Variants in ANTXRL observed in about 807,000 individuals in gnomAD.
ANTXRL encodes anthrax toxin receptor-like.
A neutral mutation model predicts 75.4 loss-of-function variants in ANTXRL; 63 were observed. The observed-to-expected ratio is 0.84, with a 90% CI of 0.68 to 1.03. ANTXRL has a LOEUF of 1.03. ANTXRL is among the 50% of genes least tolerant of loss of function. ANTXRL has a pLI of 0.00. For synonymous variants in ANTXRL, 335 were observed against 291.3 expected (o/e 1.15, Z -1.53); for missense variants, 797 against 789.4 (o/e 1.01, Z -0.12).
chr10:46,329,641 C>T lies in ANTXRL; in HGVS notation c.1453C>T (p.Gln485Ter). ...AGCCCTTGCACAGTCCCAATATGCA[C>T]AGGCTCCCTGCTGCCCAAGGATCTG... ...SLALAQSQYA[Q>*]APCCPRICFP... Residue 485 changes from glutamine (Q) to a stop codon, truncating the protein, a stop_gained, in exon 17 of 17, where the codon CAG becomes TAG. Coordinates refer to ENST00000620264, the MANE Select transcript of ANTXRL (RefSeq NM_001278688.3). LOFTEE classifies it high-confidence loss of function. 6.5e-7 allele frequency: 1 copy of T among 1,536,460 alleles called. No homozygotes were observed. The highest frequency in any genetic ancestry group is 8.7e-7 in the Non-Finnish European group (1 of 1,146,830).
intron 6 of ANTXRL, 35 bp from the exon 7 acceptor site, chr10:46,297,371 T>C: frequency 6.5e-7 from 1 of 1,536,186 alleles, no homozygotes. Context: ...TCCATGTATT[T>C]TGATGACCAA....
intron 2 of ANTXRL, 91 bp from the exon 3 acceptor site, chr10:46,293,738 G>A (rs1244974061): frequency 1.2e-5 from 13 of 1,067,086 alleles, no homozygotes; most frequent in Non-Finnish European, 1.8e-5. Flanking sequence ...CAAAGCGGAA[G>A]AGTTGGGGTG....
Position 46,296,016 on chromosome 10 carries a change from C to T in ANTXRL, c.393-3C>T. 6.5e-7 allele frequency: 1 copy of T among 1,535,352 alleles called. No homozygotes were observed. Among genetic ancestry groups the T allele is most frequent in the Non-Finnish European group, 8.7e-7 (1 of 1,146,346 alleles). Reference sequence around the variant, plus strand: ...GTCAACCACCTTTTTAAATTTTTTTCAGGAATAGAATAAAAAACGGTCTTG... The same window carrying T: ...GTCAACCACCTTTTTAAATTTTTTTTAGGAATAGAATAAAAAACGGTCTTG... On this transcript the variant is annotated splice_region_variant and splice_polypyrimidine_tract_variant and intron_variant, in intron 3 of 16. Coordinates refer to ENST00000620264, the MANE Select transcript of ANTXRL (RefSeq NM_001278688.3).
chr10:46,308,529 A>T, intron 12 of ANTXRL: 2 of 437,946 alleles, frequency 4.6e-6, no homozygotes, highest in South Asian at 1.6e-5. Flanking sequence ...GCCGCCCAAG[A>T]TTCCTTTATT....
At chr10:46,306,510 C>T (rs1838093738) in intron 10 of ANTXRL, among the ~76,000 whole-genome samples, 1 of 152,168 alleles carries the variant, frequency 6.6e-6, no homozygotes, top group Non-Finnish European at 1.5e-5. Context: ...CAGCACATTG[C>T]ACTCTCTGTC....
intron 12 of ANTXRL, 51 bp downstream of exon 12, chr10:46,307,531 C>T: frequency 1.4e-6 from 2 of 1,468,304 alleles, no homozygotes; most frequent in Non-Finnish European, 1.8e-6. Context: ...TCCAGAGCCT[C>T]TGCACTAGAA....
Position 46,329,776 on chromosome 10 carries a change from C to A in ANTXRL, c.1588C>A (p.Pro530Thr). 4 of 1,534,560 alleles carry A rather than the reference C, an allele frequency of 2.6e-6. No individual in the cohort carries two copies. The highest frequency in any genetic ancestry group is 1.4e-5 in the African/African-American group (1 of 72,332). Residue 530 changes from proline (P) to threonine (T), a missense_variant, in exon 17 of 17, where the codon CCA becomes ACA. Physicochemically the swap from Pro to Thr is conservative, Grantham distance 38 (BLOSUM62 -1). Coordinates refer to ENST00000620264, the MANE Select transcript of ANTXRL (RefSeq NM_001278688.3). ...CGCCCTCAAACAGGCTCGCTGCAGC[C>A]CAAACATCTGCCTGAGACACAGCCA... ...CLALKQARCS[P>T]NICLRHSQHS...
intron 13 of ANTXRL, among the ~76,000 whole-genome samples, chr10:46,310,226 C>A (rs1434197445): frequency 6.6e-6 from 1 of 152,008 alleles, no homozygotes; most frequent in African/African-American, 2.4e-5. Flanking sequence ...CCTGGCTGAC[C>A]CCTAGGAACC....
chr10:46,329,132 T>C (rs1839366742), intron 16 of ANTXRL, among the ~76,000 whole-genome samples: 1 of 152,174 alleles, frequency 6.6e-6, no homozygotes, highest in African/African-American at 2.4e-5. Flanking sequence ...CCTACGGGTC[T>C]GGATCATCCT....
At chr10:46,296,350 G>A (rs1336476324) in intron 5 of ANTXRL, 98 bp downstream of exon 5, 13 of 1,360,054 alleles carry the variant, frequency 9.6e-6, no homozygotes, top group South Asian at 1.3e-5. Flanking sequence ...GGCCACACCT[G>A]CCCTGCCTCT....
intron 7 of ANTXRL, 97 bp from the exon 8 acceptor site, chr10:46,297,734 C>A: frequency 1.8e-6 from 2 of 1,128,758 alleles, no homozygotes; most frequent in Non-Finnish European, 2.6e-6. Context: ...ATTCTGCTGC[C>A]CCCAAAGCAT....
intron 5 of ANTXRL, among the ~76,000 whole-genome samples, chr10:46,296,483 C>G (rs1440080556): frequency 2.6e-5 from 4 of 152,180 alleles, no homozygotes; most frequent in Admixed American, 6.5e-5. Flanking sequence ...TTCTGGTGCT[C>G]ATAACCCTGA....
rs182292483 is a variant in ANTXRL at position 46,288,789 on chromosome 10, C to T, written c.248+1279C>T. ...GGCAGAGCCACAGGCTAGAAACTCA[C>T]AGGAACTGCAGAGGCCCTGATGTAA... On this transcript the variant is annotated intron_variant, in intron 1 of 16. Coordinates refer to ENST00000620264, the MANE Select transcript of ANTXRL (RefSeq NM_001278688.3). Among the ~76,000 whole-genome samples the T allele has an allele frequency of 1.1e-3, 168 of 152,312 alleles. 1 individual carries two copies. Among genetic ancestry groups the T allele is most frequent in the African/African-American group, 3.0e-3 (125 of 41,554 alleles).
intron 16 of ANTXRL, among the ~76,000 whole-genome samples, chr10:46,317,033 C>G (rs1838766253): frequency 6.6e-6 from 1 of 152,160 alleles, no homozygotes; most frequent in Non-Finnish European, 1.5e-5. Context: ...CTGGGATAGG[C>G]TCCAGCCTCC....
intron 13 of ANTXRL, among the ~76,000 whole-genome samples, 164 bp from the exon 14 acceptor site, chr10:46,310,297 G>A (rs1838346894): frequency 6.6e-6 from 1 of 152,070 alleles, no homozygotes; most frequent in South Asian, 2.1e-4. Flanking sequence ...CCAGGAGGAG[G>A]AGCCTGCCGG....
chr10:46,325,027 G>A (rs998453469), intron 16 of ANTXRL, among the ~76,000 whole-genome samples: 1 of 152,110 alleles, frequency 6.6e-6, no homozygotes, highest in African/African-American at 2.4e-5. Context: ...CAAGAGATTT[G>A]TTGGCTTTTT....
chr10:46,308,452 C>T, intron 12 of ANTXRL: 3 of 443,356 alleles, frequency 6.8e-6, no homozygotes, highest in Non-Finnish European at 9.1e-6. Context: ...CCCCTCCCCT[C>T]TCCAGCCTTC....
intron 16 of ANTXRL, among the ~76,000 whole-genome samples, chr10:46,319,509 A>C (rs1838883421): frequency 1.3e-5 from 2 of 152,120 alleles, no homozygotes; most frequent in Admixed American, 1.3e-4. Flanking sequence ...GTTTCTTATG[A>C]AGCAAACTGA....
At chr10:46,290,328 C>G (rs1280388103) in intron 1 of ANTXRL, among the ~76,000 whole-genome samples, 1 of 152,182 alleles carries the variant, frequency 6.6e-6, no homozygotes, top group African/African-American at 2.4e-5. Flanking sequence ...AAGCGTGAGC[C>G]ACCTCGCCCG....
Sources: allele counts gnomAD v4.1 joint callset (sites outside exome capture counted in the v4.1 genomes callset), GRCh38; gene constraint gnomAD v4.1.1; transcripts MANE v1.5; gene names NCBI Gene and HGNC (gene_info 2026-07-23, HGNC 2026-07-21).